The following NEK11 variants were observed in gnomAD, a reference collection of about 807,000 sequenced individuals.
The protein encoded by NEK11 is serine/threonine-protein kinase Nek11.
In NEK11, 72 loss-of-function variants were observed where a neutral mutation model predicts 80.7. The ratio of observed to expected loss-of-function variants is 0.89; its 90% CI spans 0.74 to 1.08. The LOEUF is 1.08. Ranked by LOEUF, NEK11 falls within the 50% of genes least tolerant of loss-of-function variation. The pLI is 0.00. For missense variants in NEK11, 764 were observed against 763.6 expected, an observed-to-expected ratio of 1.00 and a Z score of -0.01; for synonymous variants, 251 against 260.7, an observed-to-expected ratio of 0.96 and a Z score of 0.36.
intron 17 of NEK11, among the ~76,000 whole-genome samples, chr3:131,323,186 C>T (rs73220541): frequency 0.025 from 3,771 of 152,290 alleles, 81 homozygotes; most frequent in Non-Finnish European, 0.032. Context: ...CCCACCTTAA[C>T]GAGGAATTTT....
rs375175654 is a variant in NEK11 at position 131,207,790 on chromosome 3, T to C, written c.1400-20738T>C. ...TTTTGAGAAGTGTCTGTTCATATCC[T>C]TTGCCCACATTTGATGGGGTTGTTT... On this transcript the variant is annotated intron_variant, in intron 14 of 17. Coordinates refer to ENST00000383366, the MANE Select transcript of NEK11 (RefSeq NM_024800.5). 1.2e-4 allele frequency among the ~76,000 whole-genome samples: 18 copies of C among 152,320 alleles called. No individual in the cohort carries two copies. In the South Asian group the frequency reaches 3.7e-3, roughly 32 times the overall value.
In NEK11 at chr3:131,310,573, A is replaced by T. The variant is rs1028350878; in HGVS notation, c.1718+36999A>T. Among the ~76,000 whole-genome samples, 9 of 151,634 alleles carry T rather than the reference A, an allele frequency of 5.9e-5. No individual in the cohort carries two copies. In the East Asian group the frequency reaches 1.4e-3, roughly 23 times the overall value. ...TCTCAATTTTTCTTCTTTGTTTCTTACTTTTACTTTATACATGACAGATAT... is the reference window on the plus strand; with the variant it reads ...TCTCAATTTTTCTTCTTTGTTTCTTTCTTTTACTTTATACATGACAGATAT... On this transcript the variant is annotated intron_variant, in intron 17 of 17. Coordinates refer to ENST00000383366, the MANE Select transcript of NEK11 (RefSeq NM_024800.5).
At chr3:131,075,683 A>G (rs1191366014) in intron 3 of NEK11, among the ~76,000 whole-genome samples, 1 of 152,198 alleles carries the variant, frequency 6.6e-6, no homozygotes, top group Non-Finnish European at 1.5e-5. Flanking sequence ...GTGGAAATGA[A>G]AATGAACCCA....
chr3:131,102,067 G>T (rs980956954), intron 4 of NEK11, among the ~76,000 whole-genome samples: 1 of 151,836 alleles, frequency 6.6e-6, no homozygotes, highest in Admixed American at 6.6e-5. Flanking sequence ...TTTTTTGTTT[G>T]GATAGTGAAT....
chr3:131,266,618 A>G (rs917396019), intron 16 of NEK11, among the ~76,000 whole-genome samples: 3 of 152,148 alleles, frequency 2.0e-5, no homozygotes, highest in South Asian at 2.1e-4. Context: ...GAGTGTTTTT[A>G]CTTCCAATTA....
At chr3:131,093,338 C>T (rs1013959234) in intron 4 of NEK11, among the ~76,000 whole-genome samples, 2 of 152,254 alleles carry the variant, frequency 1.3e-5, no homozygotes, top group African/African-American at 4.8e-5. Flanking sequence ...CTGCAAAACC[C>T]TCAATATAGG....
intron 17 of NEK11, among the ~76,000 whole-genome samples, chr3:131,282,392 G>A (rs909093574): frequency 7.1e-6 from 1 of 141,326 alleles, no homozygotes; most frequent in Non-Finnish European, 1.5e-5. Flanking sequence ...AAGATGAGGG[G>A]TAAGGTGATC....
intron 17 of NEK11, among the ~76,000 whole-genome samples, chr3:131,322,313 A>G (rs1437061814): frequency 2.0e-5 from 3 of 152,068 alleles, no homozygotes; most frequent in African/African-American, 7.2e-5. Flanking sequence ...AGAAGGGGAA[A>G]GTGTTGAAAA....
chr3:131,270,399 AAAG>A (rs2096158874), intron 16 of NEK11, among the ~76,000 whole-genome samples: 1 of 152,168 alleles, frequency 6.6e-6, no homozygotes, highest in Non-Finnish European at 1.5e-5. Flanking sequence ...CAAACCTACT[AAAG>A]AAGAATCTGC....
chr3:131,247,288 T>C (rs1488322583), intron 16 of NEK11, among the ~76,000 whole-genome samples: 14 of 152,170 alleles, frequency 9.2e-5, no homozygotes, highest in Admixed American at 9.2e-4. Flanking sequence ...CTTCAGTTGA[T>C]TTTTGTATAA....
chr3:131,052,438 T>C (rs1577480043), intron 3 of NEK11, among the ~76,000 whole-genome samples: 4 of 152,336 alleles, frequency 2.6e-5, no homozygotes, highest in South Asian at 4.1e-4. Context: ...GTGCTGTTTT[T>C]AGCAGTCTCA....
intron 3 of NEK11, among the ~76,000 whole-genome samples, chr3:131,044,449 G>A (rs55933914): frequency 2.2e-5 from 3 of 138,724 alleles, no homozygotes; most frequent in Admixed American, 7.3e-5. Flanking sequence ...AAAAAGGTGG[G>A]GGGGGGGGTT....
chr3:131,152,311 A>G, intron 7 of NEK11, 77 bp from the exon 8 acceptor site: 1 of 1,322,176 alleles, frequency 7.6e-7, no homozygotes, highest in Non-Finnish European at 1.0e-6. Context: ...GCCCCAACAC[A>G]TCTGAGGTTT....
chr3:131,318,714 T>C (rs1438926332), intron 17 of NEK11, among the ~76,000 whole-genome samples: 2 of 148,888 alleles, frequency 1.3e-5, no homozygotes, highest in African/African-American at 2.5e-5. Flanking sequence ...CCATATGTCA[T>C]TGTTTAGTAT....
At chr3:131,116,723 C>G (rs934057031) in intron 5 of NEK11, among the ~76,000 whole-genome samples, 1 of 152,142 alleles carries the variant, frequency 6.6e-6, no homozygotes, top group Non-Finnish European at 1.5e-5. Context: ...TCTCTGATGG[C>G]CAGTGATGAT....
At chr3:131,150,552 T>C (rs2089449763) in intron 7 of NEK11, among the ~76,000 whole-genome samples, 1 of 152,020 alleles carries the variant, frequency 6.6e-6, no homozygotes. Context: ...TTGGTGTTTG[T>C]ATGGTTTTTC....
intron 17 of NEK11, among the ~76,000 whole-genome samples, chr3:131,317,165 A>C (rs1234094156): frequency 1.3e-5 from 2 of 152,232 alleles, no homozygotes; most frequent in African/African-American, 2.4e-5. Context: ...GACTGAAGCT[A>C]AGGCAAGCAA....
chr3:131,097,221 A>T (rs1420444530), intron 4 of NEK11, among the ~76,000 whole-genome samples: 1 of 151,996 alleles, frequency 6.6e-6, no homozygotes, highest in African/African-American at 2.4e-5. Context: ...TTATAGCAGC[A>T]TGATTTATAG....
At chr3:131,245,312 T>C (rs1302240199) in intron 16 of NEK11, among the ~76,000 whole-genome samples, 1 of 151,952 alleles carries the variant, frequency 6.6e-6, no homozygotes, top group Non-Finnish European at 1.5e-5. Context: ...TGTGTGTGTG[T>C]GTGTGTGTGT....
Sources: gnomAD v4.1 joint callset for allele counts (sites outside exome capture counted in the v4.1 genomes callset) on GRCh38, gnomAD v4.1.1 for gene constraint, MANE v1.5 for transcripts, NCBI Gene and HGNC (gene_info 2026-07-23, HGNC 2026-07-21) for gene names.